Variants in GRIA2 observed in about 807,000 individuals in gnomAD.
The protein encoded by GRIA2 is glutamate ionotropic receptor AMPA type subunit 2, also known as glutamate receptor 2.
GRIA2 carries 14 observed loss-of-function variants against 97.3 expected under a neutral mutation model. That is an observed-to-expected ratio of 0.14 (90% CI 0.10 to 0.23). The LOEUF (loss-of-function observed/expected upper bound fraction) is 0.23. Among genes scored for constraint, GRIA2 ranks in the 10% least tolerant of loss-of-function variants. GRIA2 has a pLI of 1.00. For synonymous variants in GRIA2, 412 were observed against 387.8 expected (o/e 1.06, Z -0.73); for missense variants, 558 against 1,069.8 (o/e 0.52, Z 6.67).
intron 6 of GRIA2, among the ~76,000 whole-genome samples, chr4:157,329,341 A>T (rs1288745847): frequency 6.6e-6 from 1 of 151,994 alleles, no homozygotes; most frequent in Non-Finnish European, 1.5e-5. Context: ...ATGTATAAAA[A>T]TTTTTTAACT....
chr4:157,332,224 A>G (rs966971102), intron 6 of GRIA2, among the ~76,000 whole-genome samples: 3 of 152,026 alleles, frequency 2.0e-5, no homozygotes, highest in African/African-American at 4.8e-5. Context: ...AACCAATGTT[A>G]TCATATACTA....
chr4:157,333,280 A>G lies in GRIA2; in HGVS notation c.1082A>G (p.Lys361Arg). ...VQVEGLSGNI[K>R]FDQNGKRINY... ...GTTGAAGGTCTCTCAGGAAATATAA[A>G]GTTTGACCAGAATGGAAAAAGAATA... is the stretch of plus-strand genomic sequence containing the variant. Residue 361 changes from lysine to arginine, a missense_variant, in exon 8 of 16, where the codon AAG becomes AGG. This residue lies in a region of GRIA2 where 66 missense variants were observed against 118.7 expected (regional missense o/e 0.56). Transcript: ENST00000264426. The G allele has an allele frequency of 6.3e-7, 1 of 1,598,790 alleles. No homozygotes were observed. Among genetic ancestry groups the G allele is most frequent in the Non-Finnish European group, 8.6e-7 (1 of 1,169,092 alleles).
In GRIA2 at chr4:157,349,500, G is replaced by A. The variant is rs537362794; in HGVS notation, c.2043+8038G>A. Among the ~76,000 whole-genome samples, 18 of 103,286 alleles carry A rather than the reference G, an allele frequency of 1.7e-4. No homozygotes were observed. In the East Asian group the frequency reaches 3.3e-3, roughly 19 times the overall value. The allele number at this position is 103,286 out of a possible 152,430, so 67.8% of individuals were successfully genotyped here. A position where few individuals can be genotyped will look rare whatever the true frequency, so the allele number is the denominator to read the frequency against. On this transcript the variant is annotated intron_variant, in intron 12 of 15. Coordinates refer to ENST00000264426, the MANE Select transcript of GRIA2 (RefSeq NM_001083619.3). Reference sequence around the variant, plus strand: ...CCTTCCTTCCTTCCTTCCTTCTTTCGTTCTTTTTTGTAACCTCAAAATATT... The same window carrying A: ...CCTTCCTTCCTTCCTTCCTTCTTTCATTCTTTTTTGTAACCTCAAAATATT...
At chr4:157,311,664 G>C (rs779922744) in intron 3 of GRIA2, among the ~76,000 whole-genome samples, 1 of 151,946 alleles carries the variant, frequency 6.6e-6, no homozygotes, top group South Asian at 2.1e-4. Context: ...GACTAATATT[G>C]TTAGAGAAAG....
At position 157,361,100 on chromosome 4, in the gene GRIA2, C is replaced by G. The variant is rs905388046; in HGVS notation, c.2382C>G (p.Cys794Trp). ...KNKWWYDKGECGSGGGDSKEK... is the reference protein window; with the variant it reads ...KNKWWYDKGEWGSGGGDSKEK... ...AATGGTGGTACGACAAAGGAGAGTG[C>G]GGCAGCGGGGGAGGTGATTCCAAGG... Residue 794 changes from cysteine to tryptophan, a missense_variant, in exon 14 of 16, where the codon TGC becomes TGG. Cys to Trp is a radical substitution (Grantham distance 215, BLOSUM62 -2). This residue lies in a region of GRIA2 where 125 missense variants were observed against 310.2 expected (regional missense o/e 0.40). Coordinates refer to ENST00000264426, the MANE Select transcript of GRIA2 (RefSeq NM_001083619.3). This position sits in a 1 kb window ranked among gnomAD's most constrained non-coding sequence, Gnocchi z 5.2. 4 of 1,611,834 alleles carry G rather than the reference C, an allele frequency of 2.5e-6. No individual in the cohort carries two copies. The highest frequency in any genetic ancestry group is 1.3e-5 in the African/African-American group (1 of 74,772).
intron 3 of GRIA2, among the ~76,000 whole-genome samples, chr4:157,310,410 T>G (rs1261672812): frequency 6.6e-6 from 1 of 152,138 alleles, no homozygotes; most frequent in Admixed American, 6.5e-5. Flanking sequence ...AAATTATTTT[T>G]AATGTTTATG....
At chr4:157,291,318 G>C (rs1733090695) in intron 2 of GRIA2, among the ~76,000 whole-genome samples, 1 of 151,796 alleles carries the variant, frequency 6.6e-6, no homozygotes, top group Non-Finnish European at 1.5e-5. Flanking sequence ...TGGTTGCTTT[G>C]CTATTTTTTT....
intron 4 of GRIA2, among the ~76,000 whole-genome samples, chr4:157,314,007 TTCA>T (rs1159044604): frequency 3.9e-5 from 6 of 152,124 alleles, no homozygotes; most frequent in African/African-American, 1.2e-4. Flanking sequence ...CATAAAAGCC[TTCA>T]TCATCATCAT....
At chr4:157,236,174 C>T (rs957886719) in intron 2 of GRIA2, among the ~76,000 whole-genome samples, 5 of 151,948 alleles carry the variant, frequency 3.3e-5, no homozygotes, top group African/African-American at 9.7e-5. Flanking sequence ...GAATGTAAAA[C>T]ATGCAGAAAA....
intron 2 of GRIA2, among the ~76,000 whole-genome samples, chr4:157,287,075 G>A (rs1435456284): frequency 6.6e-6 from 1 of 151,456 alleles, no homozygotes; most frequent in Non-Finnish European, 1.5e-5. Flanking sequence ...CTGTTGTCTG[G>A]TGTTGTCTAT....
chr4:157,306,035 A>G (rs2126871892), intron 3 of GRIA2, among the ~76,000 whole-genome samples: 1 of 152,280 alleles, frequency 6.6e-6, no homozygotes, highest in Non-Finnish European at 1.5e-5. Flanking sequence ...TGAGTTAAAC[A>G]TATGTGTACA....
chr4:157,271,544 A>T (rs1199508935), intron 2 of GRIA2, among the ~76,000 whole-genome samples: 1 of 152,088 alleles, frequency 6.6e-6, no homozygotes, highest in Non-Finnish European at 1.5e-5. Context: ...GAGGTATGGG[A>T]GGCTGCTCCA....
In GRIA2 at chr4:157,221,140, C is replaced by T; in HGVS notation, c.88+10C>T. On this transcript the variant is annotated intron_variant, in intron 1 of 15. Transcript: ENST00000264426. ...AACAGCATACAGATAGGTAGGTACCCTTTGTGCTATGCTTTTGAATTGTGC... is the reference window on the plus strand; with the variant it reads ...AACAGCATACAGATAGGTAGGTACCTTTTGTGCTATGCTTTTGAATTGTGC... 7.6e-7 allele frequency: 1 copy of T among 1,322,644 alleles called. No individual in the cohort carries two copies. Among genetic ancestry groups the T allele is most frequent in the South Asian group, 1.2e-5 (1 of 85,078 alleles). 81.9% of individuals were successfully genotyped at this position (1,322,644 alleles called of 1,614,324 possible). A position where few individuals can be genotyped will look rare whatever the true frequency, so the allele number is the denominator to read the frequency against.
rs1733714856 is a variant in GRIA2, at chr4:157,303,694, T to A, written c.372T>A (p.Phe124Leu). The change falls in exon 3 of 16, where the codon TTT (phenylalanine) becomes TTA (leucine). Residue 124 changes from phenylalanine to leucine, a missense_variant. Physicochemically the swap from Phe to Leu is conservative, Grantham distance 22. Transcript: ENST00000264426. ...TCCCAACAGATGGCACACATCCATT[T>A]GTCATTCAGATGAGACCCGACCTCA... ...PSFPTDGTHP[F>L]VIQMRPDLKG... 1 of 1,614,012 alleles carries A rather than the reference T, an allele frequency of 6.2e-7. No individual in the cohort carries two copies.
rs373975123 is a variant in GRIA2, at chr4:157,347,908, G to A, written c.2043+6446G>A. 5.7e-4 allele frequency among the ~76,000 whole-genome samples: 87 copies of A among 152,198 alleles called. 1 individual carries two copies. In the East Asian group the frequency reaches 0.013, roughly 22 times the overall value. On this transcript the variant is annotated intron_variant, in intron 12 of 15. Transcript: ENST00000264426. ...TGGGAGGCCAAGGCAGGCAGATCTC[G>A]AGGTCAAGAGATTGAGACCATCCTG...
In GRIA2 at chr4:157,363,549, T is replaced by TA; in HGVS notation, c.*119dup. The TA allele has an allele frequency of 2.6e-5, 32 of 1,235,868 alleles. No individual in the cohort carries two copies. The highest frequency in any genetic ancestry group is 3.2e-5 in the Non-Finnish European group (32 of 988,978). 76.6% of individuals were successfully genotyped at this position (1,235,868 alleles called of 1,614,324 possible). A position where few individuals can be genotyped will look rare whatever the true frequency, so the allele number is the denominator to read the frequency against. On this transcript the variant is annotated 3_prime_UTR_variant, in exon 16 of 16. Transcript: ENST00000264426. Reference sequence around the variant, plus strand: ...TCCCAAAGCAGTGCATGCTGTCCCTTACGTGAGTCCTGGCATGGGAATGAA... The same window carrying TA: ...TCCCAAAGCAGTGCATGCTGTCCCTTAACGTGAGTCCTGGCATGGGAATGAA...
intron 2 of GRIA2, among the ~76,000 whole-genome samples, chr4:157,239,738 A>G (rs1353053868): frequency 1.3e-5 from 2 of 151,998 alleles, no homozygotes; most frequent in African/African-American, 4.8e-5. Flanking sequence ...GGAAAAATCA[A>G]TAAGTATTGT....
chr4:157,221,251 T>A (rs981567632), intron 1 of GRIA2, 121 bp downstream of exon 1: 13 of 699,084 alleles, frequency 1.9e-5, no homozygotes, highest in Admixed American at 8.6e-5. Context: ...CATTCCAGAT[T>A]TAAACTACCT....
intron 8 of GRIA2, among the ~76,000 whole-genome samples, 159 bp from the exon 9 acceptor site, chr4:157,333,851 T>C (rs1735166465): frequency 6.6e-6 from 1 of 152,102 alleles, no homozygotes; most frequent in Admixed American, 6.6e-5. Flanking sequence ...TTCCTTTTAT[T>C]CCTGTTAGAT....
Sources: gnomAD v4.1 joint callset for allele counts (sites outside exome capture counted in the v4.1 genomes callset) on GRCh38, gnomAD v4.1.1 for gene constraint, gnomAD v4.1.1 regional missense constraint, Gnocchi (gnomAD v3.1) non-coding constraint, MANE v1.5 for transcripts, NCBI Gene and HGNC (gene_info 2026-07-23, HGNC 2026-07-21) for gene names.